ITGBL1: variants seen among roughly 807,000 people sequenced by gnomAD.
The protein encoded by ITGBL1 is integrin beta-like protein 1.
Under a neutral mutation model 68.5 loss-of-function variants are expected in ITGBL1, and 51 were observed. That is an observed-to-expected ratio of 0.74 (90% CI 0.59 to 0.94). ITGBL1 has a LOEUF of 0.94. Among genes scored for constraint, ITGBL1 ranks in the 40% least tolerant of loss-of-function variants. ITGBL1 has a pLI of 0.00. For missense variants in ITGBL1, 649 were observed against 647.4 expected (o/e 1.00, Z -0.03); for synonymous variants, 209 against 227.3 (o/e 0.92, Z 0.72).
chr13:101,562,437 A>G (rs188967252), intron 2 of ITGBL1, among the ~76,000 whole-genome samples: 38 of 152,154 alleles, frequency 2.5e-4, no homozygotes, highest in Non-Finnish European at 4.3e-4. Context: ...CTAATCTATA[A>G]GAAATGACTT....
intron 7 of ITGBL1, among the ~76,000 whole-genome samples, chr13:101,646,316 TA>T (rs144094774): frequency 1.2e-4 from 18 of 151,146 alleles, no homozygotes; most frequent in South Asian, 6.3e-4. Flanking sequence ...GTATTTCAGT[TA>T]AAAAAAAATC....
At chr13:101,666,976 T>C (rs1266219481) in intron 7 of ITGBL1, among the ~76,000 whole-genome samples, 1 of 152,196 alleles carries the variant, frequency 6.6e-6, no homozygotes, top group African/African-American at 2.4e-5. Flanking sequence ...CCACGTACAC[T>C]TGTGAAAGCA....
intron 8 of ITGBL1, among the ~76,000 whole-genome samples, chr13:101,702,362 T>G (rs565224790): frequency 1.9e-4 from 29 of 152,302 alleles, no homozygotes; most frequent in African/African-American, 6.0e-4. Context: ...TGTATTGATT[T>G]GTCATGGAAT....
In ITGBL1 at chr13:101,532,326, A is replaced by G. The variant is rs143860855; in HGVS notation, c.317-35373A>G. 2.8e-4 allele frequency among the ~76,000 whole-genome samples: 43 copies of G among 152,350 alleles called. No individual in the cohort carries two copies. The East Asian group carries it at 8.3e-3, about 29-fold the overall frequency. On this transcript the variant is annotated intron_variant, in intron 2 of 10. Coordinates refer to ENST00000376180, the MANE Select transcript of ITGBL1 (RefSeq NM_004791.3). ...ATATTCAGTACATTATCTATCAAGT[A>G]GTGTGTTATTCACTGCAAATTGAAA...
chr13:101,524,396 T>A (rs2049337514), intron 2 of ITGBL1, among the ~76,000 whole-genome samples: 1 of 151,876 alleles, frequency 6.6e-6, no homozygotes, highest in Non-Finnish European at 1.5e-5. Flanking sequence ...ATTCTTTTTT[T>A]TTTTTGCAAT....
intron 6 of ITGBL1, among the ~76,000 whole-genome samples, chr13:101,589,800 G>A (rs2050620434): frequency 6.6e-6 from 1 of 152,150 alleles, no homozygotes; most frequent in Non-Finnish European, 1.5e-5. Context: ...CTTATAGTTG[G>A]CAATGCCTGG....
intron 2 of ITGBL1, among the ~76,000 whole-genome samples, chr13:101,558,835 G>A (rs551159361): frequency 6.6e-6 from 1 of 152,270 alleles, no homozygotes; most frequent in Admixed American, 6.5e-5. Flanking sequence ...AGAGCTAGCA[G>A]TGACATAATC....
chr13:101,486,234 C>A (rs2048700835), intron 2 of ITGBL1, among the ~76,000 whole-genome samples: 1 of 152,088 alleles, frequency 6.6e-6, no homozygotes, highest in South Asian at 2.1e-4. Context: ...AGTGAAGTAA[C>A]TGAGGAATCA....
chr13:101,654,621 C>G (rs1176590653), intron 7 of ITGBL1, among the ~76,000 whole-genome samples: 1 of 152,032 alleles, frequency 6.6e-6, no homozygotes, highest in African/African-American at 2.4e-5. Flanking sequence ...GTGGCATGGG[C>G]AAATCAGTGG....
At chr13:101,701,793 A>G (rs1287304297) in intron 8 of ITGBL1, among the ~76,000 whole-genome samples, 1 of 152,144 alleles carries the variant, frequency 6.6e-6, no homozygotes, top group Non-Finnish European at 1.5e-5. Flanking sequence ...GAGTAGTCAG[A>G]TATATAGACA....
chr13:101,554,891 C>T (rs147240189), intron 2 of ITGBL1, among the ~76,000 whole-genome samples: 41 of 152,308 alleles, frequency 2.7e-4, no homozygotes, highest in African/African-American at 8.9e-4. Flanking sequence ...TGGCTCTTCA[C>T]AGCCCCTCAG....
chr13:101,523,942 A>G (rs1318025160), intron 2 of ITGBL1, among the ~76,000 whole-genome samples: 1 of 152,092 alleles, frequency 6.6e-6, no homozygotes, highest in Non-Finnish European at 1.5e-5. Context: ...TGCTCCTCAG[A>G]CCACGTCTGT....
intron 6 of ITGBL1, among the ~76,000 whole-genome samples, chr13:101,591,155 G>GT: frequency 6.6e-6 from 1 of 152,244 alleles, no homozygotes; most frequent in East Asian, 1.9e-4. Context: ...TACCTGCCTT[G>GT]GCCTTCCAAA....
intron 7 of ITGBL1, among the ~76,000 whole-genome samples, chr13:101,601,008 G>A (rs2030338867): frequency 6.6e-6 from 1 of 152,174 alleles, no homozygotes; most frequent in Non-Finnish European, 1.5e-5. Context: ...GTTTCAGAAG[G>A]AATGGTACCA....
chr13:101,714,149 T>TAA (rs746535894), intron 9 of ITGBL1: 2 of 302,210 alleles, frequency 6.6e-6, no homozygotes, highest in Non-Finnish European at 1.2e-5. Flanking sequence ...AGACCATCTA[T>TAA]AAGAATCAAC....
At chr13:101,710,396 G>A (rs1421416033) in intron 9 of ITGBL1, among the ~76,000 whole-genome samples, 8 of 152,184 alleles carry the variant, frequency 5.3e-5, no homozygotes, top group South Asian at 2.1e-4. Context: ...TATGATAGGC[G>A]CAGAGGATAA....
At chr13:101,457,090 G>A (rs1363656528) in intron 2 of ITGBL1, among the ~76,000 whole-genome samples, 1 of 152,154 alleles carries the variant, frequency 6.6e-6, no homozygotes, top group Non-Finnish European at 1.5e-5. Context: ...TTTAACATAT[G>A]TAAAATACTT....
At chr13:101,574,202 C>A (rs2050317560) in intron 3 of ITGBL1, among the ~76,000 whole-genome samples, 1 of 152,108 alleles carries the variant, frequency 6.6e-6, no homozygotes, top group Non-Finnish European at 1.5e-5. Flanking sequence ...TATAAGACTT[C>A]CATGAACTGC....
chr13:101,491,785 C>A (rs1044743435), intron 2 of ITGBL1, among the ~76,000 whole-genome samples: 1 of 152,078 alleles, frequency 6.6e-6, no homozygotes, highest in Non-Finnish European at 1.5e-5. Flanking sequence ...AGCCCTCCAC[C>A]CCCTGACAGG....
Sources: gnomAD v4.1 joint callset for allele counts (sites outside exome capture counted in the v4.1 genomes callset) on GRCh38, gnomAD v4.1.1 for gene constraint, MANE v1.5 for transcripts, NCBI Gene and HGNC (gene_info 2026-07-23, HGNC 2026-07-21) for gene names.